ZYX: variants seen among roughly 807,000 people sequenced by gnomAD.
The protein encoded by ZYX is zyxin-2.
In ZYX, 37 loss-of-function variants were observed where a neutral mutation model predicts 58.1. That is an observed-to-expected ratio of 0.64 (90% CI 0.49 to 0.84). ZYX has a LOEUF of 0.84. Ranked by LOEUF, ZYX falls within the 40% of genes least tolerant of loss-of-function variation. The probability of loss-of-function intolerance (pLI) is 0.00; values close to 1 mark genes in which losing one functional copy is unlikely to be tolerated. For missense variants in ZYX, 762 were observed against 761.6 expected (o/e 1.00, Z -0.01); for synonymous variants, 324 against 321.1 (o/e 1.01, Z -0.10).
rs59995035 is a variant in ZYX at position 143,385,660 on chromosome 7, C to CTTTTTTTTTTTTT, written c.1023+2352_1023+2364dup. 4.3e-3 allele frequency among the ~76,000 whole-genome samples: 296 copies of CTTTTTTTTTTTTT among 68,970 alleles called. 45 individuals are homozygous for CTTTTTTTTTTTTT. Among genetic ancestry groups the CTTTTTTTTTTTTT allele is most frequent in the Admixed American group, 0.014 (58 of 4,202 alleles). The allele number at this position is 68,970 out of a possible 152,430, so 45.2% of individuals were successfully genotyped here. A position where few individuals can be genotyped will look rare whatever the true frequency, so the allele number is the denominator to read the frequency against. On this transcript the variant is annotated intron_variant, in intron 5 of 9. Coordinates refer to ENST00000322764, the MANE Select transcript of ZYX (RefSeq NM_003461.5). ...TGTGTGAGCGTGTGGTGTGGTATAT[C>CTTTTTTTTTTTTT]TTTTTTTTTTTTTTTTTTTTTTTTT...
chr7:143,385,475 T>C (rs569300181), intron 5 of ZYX, among the ~76,000 whole-genome samples: 31 of 151,680 alleles, frequency 2.0e-4, no homozygotes, highest in African/African-American at 7.0e-4. Context: ...TGTGTGAAAG[T>C]ATGTGTATAT....
intron 2 of ZYX, 110 bp from the exon 3 acceptor site, chr7:143,382,138 C>G (rs1020272195): frequency 1.0e-6 from 1 of 953,912 alleles, no homozygotes; most frequent in African/African-American, 1.7e-5. Flanking sequence ...CCCACACGCT[C>G]TGGGACCCCT....
At position 143,387,786 on chromosome 7, in the gene ZYX, G is replaced by A. The variant is rs540778870; in HGVS notation, c.1024-433G>A. 6 of 473,160 alleles carry A rather than the reference G, an allele frequency of 1.3e-5. No individual in the cohort carries two copies. Among genetic ancestry groups the A allele is most frequent in the East Asian group, 6.9e-5 (1 of 14,476 alleles). 29.3% of individuals were successfully genotyped at this position (473,160 alleles called of 1,614,324 possible). ...GGGGCTGCTCAGCAGCAGGCAGGCC[G>A]GGTAGGTGTGTGTGCGCGTGTGTGC... On this transcript the variant is annotated intron_variant, in intron 5 of 9. Coordinates refer to ENST00000322764, the MANE Select transcript of ZYX (RefSeq NM_003461.5). This position sits in a 1 kb window ranked among gnomAD's most constrained non-coding sequence, Gnocchi z 5.8.
At position 143,390,458 on chromosome 7, in the gene ZYX, C is replaced by T; in HGVS notation, c.1615-120C>T. 1.3e-6 allele frequency: 1 copy of T among 758,964 alleles called. No individual in the cohort carries two copies. The allele number at this position is 758,964 out of a possible 1,614,324, so 47.0% of individuals were successfully genotyped here. A position where few individuals can be genotyped will look rare whatever the true frequency, so the allele number is the denominator to read the frequency against. On this transcript the variant is annotated intron_variant, in intron 9 of 9. Coordinates refer to ENST00000322764, the MANE Select transcript of ZYX (RefSeq NM_003461.5). This position sits in a 1 kb window ranked among gnomAD's most constrained non-coding sequence, Gnocchi z 4.3. ...TGGGTGTGGCTGGAAAAAGCGATGA[C>T]ACCAGCTCTGAGCCATGAAGCATCT...
In ZYX at chr7:143,390,107, G is replaced by C; in HGVS notation, c.1614+130G>C. ...GCTGTGATTTTGAGGGTGGCTCATG[G>C]TGGCACCCCATCTGTCCTGCCAGAA... is the stretch of plus-strand genomic sequence containing the variant. On this transcript the variant is annotated intron_variant, in intron 9 of 9. Transcript: ENST00000322764. The surrounding 1 kb of genome is among the most constrained non-coding windows in gnomAD (Gnocchi z 4.3). 1 of 1,351,926 alleles carries C rather than the reference G, an allele frequency of 7.4e-7. No individual in the cohort carries two copies. The highest frequency in any genetic ancestry group is 1.4e-5 in the African/African-American group (1 of 69,688). The allele number at this position is 1,351,926 out of a possible 1,614,324, so 83.7% of individuals were successfully genotyped here.
At position 143,390,608 on chromosome 7, in the gene ZYX, G is replaced by A. The variant is rs750132086; in HGVS notation, c.1645G>A (p.Asp549Asn). 12 of 1,581,928 alleles carry A rather than the reference G, an allele frequency of 7.6e-6. No individual in the cohort carries two copies. The highest frequency in any genetic ancestry group is 9.5e-6 in the Non-Finnish European group (11 of 1,163,440). ...DCGKPLSIEA[D>N]DNGCFPLDGH... ...CGGGAAGCCCCTGTCGATTGAGGCA[G>A]ATGACAATGGCTGCTTCCCCCTGGA... The change falls in exon 10 of 10, where the codon GAT becomes AAT. Residue 549 changes from aspartate to asparagine, a missense_variant. Physicochemically the swap from Asp to Asn is conservative, Grantham distance 23 (BLOSUM62 1). Coordinates refer to ENST00000322764, the MANE Select transcript of ZYX (RefSeq NM_003461.5). This position sits in a 1 kb window ranked among gnomAD's most constrained non-coding sequence, Gnocchi z 4.3.
At chr7:143,385,444 G>A (rs1317240696) in intron 5 of ZYX, among the ~76,000 whole-genome samples, 1 of 151,704 alleles carries the variant, frequency 6.6e-6, no homozygotes, top group South Asian at 2.1e-4. Flanking sequence ...TATGAGTGGC[G>A]TGTGATGTGT....
intron 5 of ZYX, among the ~76,000 whole-genome samples, chr7:143,385,799 A>C (rs1378065067): frequency 6.7e-6 from 1 of 148,348 alleles, no homozygotes; most frequent in African/African-American, 2.5e-5. Context: ...ACGTTCCACC[A>C]CACCTGGCTA....
rs1804725534 is a variant in ZYX at position 143,383,328 on chromosome 7, G to C, written c.1023+6G>C. The C allele has an allele frequency of 6.3e-7, 1 of 1,593,206 alleles. No homozygotes were observed. The highest frequency in any genetic ancestry group is 8.5e-7 in the Non-Finnish European group (1 of 1,171,116). On this transcript the variant is annotated splice_donor_region_variant and intron_variant, in intron 5 of 9. Coordinates refer to ENST00000322764, the MANE Select transcript of ZYX (RefSeq NM_003461.5). ...CGGCTCAGAACCAAAACCAGGTGAG[G>C]GATGGTGATAGGACAAGGCTTGGTA... is the stretch of plus-strand genomic sequence containing the variant.
rs375422180 is a variant in ZYX, at chr7:143,382,944, G to T, written c.645G>T (p.Pro215=). The part of the protein sequence containing the change: ...SSQPLPQVPA[P]AQSQTQFHVQ... ...AGCCTCTGCCCCAGGTTCCGGCTCC[G>T]GCTCAGAGCCAGACACAGTTCCATG... Residue 215 remains proline, a synonymous_variant, in exon 5 of 10, where the codon CCG becomes CCT. Transcript: ENST00000322764. 2.2e-5 allele frequency: 35 copies of T among 1,613,908 alleles called. No homozygotes were observed. Among genetic ancestry groups the T allele is most frequent in the Middle Eastern group, 1.7e-4 (1 of 6,060 alleles).
Position 143,383,243 on chromosome 7 carries a change from C to T in ZYX, c.944C>T (p.Thr315Ile). The change falls in exon 5 of 10, where the codon ACC becomes ATC. Residue 315 changes from threonine (T) to isoleucine (I), a missense_variant. Transcript: ENST00000322764. Reference protein sequence around the residue: ...GTGSPQPPSFTYAQQREKPRV... With the variant: ...GTGSPQPPSFIYAQQREKPRV... ...GGCTCCCCTCAACCTCCCAGCTTCA[C>T]CTATGCCCAGCAGAGGGAGAAGCCC... 1 of 1,614,076 alleles carries T rather than the reference C, an allele frequency of 6.2e-7. No homozygotes were observed. Among genetic ancestry groups the T allele is most frequent in the Non-Finnish European group, 8.5e-7 (1 of 1,180,016 alleles).
At position 143,387,907 on chromosome 7, in the gene ZYX, G is replaced by T. The variant is rs944628886; in HGVS notation, c.1024-312G>T. 47 of 511,956 alleles carry T rather than the reference G, an allele frequency of 9.2e-5. 1 individual carries two copies. The highest frequency in any genetic ancestry group is 1.0e-3 in the Middle Eastern group (2 of 1,956). 31.7% of individuals were successfully genotyped at this position (511,956 alleles called of 1,614,324 possible). A position where few individuals can be genotyped will look rare whatever the true frequency, so the allele number is the denominator to read the frequency against. On this transcript the variant is annotated intron_variant, in intron 5 of 9. Transcript: ENST00000322764. This position sits in a 1 kb window ranked among gnomAD's most constrained non-coding sequence, Gnocchi z 5.8. Reference sequence around the variant, plus strand: ...GGAGTGTCCGGTGCTTCAGTGACCCGAGCTGCTGTGTGCGTGGCCTCCGTC... The same window carrying T: ...GGAGTGTCCGGTGCTTCAGTGACCCTAGCTGCTGTGTGCGTGGCCTCCGTC...
Position 143,389,079 on chromosome 7 carries a change from C to A in ZYX, c.1493+134C>A. The A allele has an allele frequency of 1.9e-6, 2 of 1,059,172 alleles. No homozygotes were observed. The highest frequency in any genetic ancestry group is 2.7e-6 in the Non-Finnish European group (2 of 744,324). 65.6% of individuals were successfully genotyped at this position (1,059,172 alleles called of 1,614,324 possible). ...GGTCCCATGTCCTGTCTGTAAACAG[C>A]AGGGACCAAGTCATCGGGATGTAGC... On this transcript the variant is annotated intron_variant, in intron 8 of 9. Transcript: ENST00000322764. The surrounding 1 kb of genome is among the most constrained non-coding windows in gnomAD (Gnocchi z 5.6).
Position 143,390,841 on chromosome 7 carries a change from G to A in ZYX, c.*159G>A, listed in dbSNP as rs188278148. Reference sequence around the variant, plus strand: ...GGTGCCCTGACCCAGGACCCAACATGGTCTAGGGATGCAGGATCCCCGCCC... The same window carrying A: ...GGTGCCCTGACCCAGGACCCAACATAGTCTAGGGATGCAGGATCCCCGCCC... On this transcript the variant is annotated 3_prime_UTR_variant, in exon 10 of 10. Coordinates refer to ENST00000322764, the MANE Select transcript of ZYX (RefSeq NM_003461.5). The surrounding 1 kb of genome is among the most constrained non-coding windows in gnomAD (Gnocchi z 4.3). 1.5e-3 allele frequency: 947 copies of A among 619,924 alleles called. 11 individuals carry two copies. The highest frequency in any genetic ancestry group is 7.0e-3 in the South Asian group (373 of 53,636). The allele number at this position is 619,924 out of a possible 1,614,324, so 38.4% of individuals were successfully genotyped here.
chr7:143,386,855 G>A (rs981088493), intron 5 of ZYX, among the ~76,000 whole-genome samples: 4 of 152,180 alleles, frequency 2.6e-5, no homozygotes, highest in Non-Finnish European at 4.4e-5. Flanking sequence ...TGAGATGGAC[G>A]GAAGTTTGGT....
rs143893236 is a variant in ZYX, at chr7:143,382,268, C to T, written c.229C>T (p.Pro77Ser). The change falls in exon 3 of 10, where the codon CCC becomes TCC. Residue 77 changes from proline (P) to serine (S), a missense_variant. Transcript: ENST00000322764. ...PPEDFPLPPP[P>S]LAGDGDDAEG... ...CCCAGACTTTCCCCTGCCTCCACCT[C>T]CCCTTGCTGGGGATGGCGACGATGC... 7.4e-4 allele frequency: 1,190 copies of T among 1,612,948 alleles called. 8 individuals are homozygous for T. The African/African-American group carries it at 0.014, about 19-fold the overall frequency.
chr7:143,388,432 C>A lies in ZYX; in HGVS notation c.1145-57C>A. Reference sequence around the variant, plus strand: ...CCACTCCCTATCTGAGCTGGCTGATCCCTCGCAGCTCTACATACTTCCTTC... The same window carrying A: ...CCACTCCCTATCTGAGCTGGCTGATACCTCGCAGCTCTACATACTTCCTTC... On this transcript the variant is annotated intron_variant, in intron 6 of 9. Coordinates refer to ENST00000322764, the MANE Select transcript of ZYX (RefSeq NM_003461.5). This position sits in a 1 kb window ranked among gnomAD's most constrained non-coding sequence, Gnocchi z 7.5. 6.2e-7 allele frequency: 1 copy of A among 1,603,666 alleles called. No individual in the cohort carries two copies. Among genetic ancestry groups the A allele is most frequent in the Non-Finnish European group, 8.5e-7 (1 of 1,172,470 alleles).
At chr7:143,385,614 T>C (rs1369008560) in intron 5 of ZYX, among the ~76,000 whole-genome samples, 1 of 150,710 alleles carries the variant, frequency 6.6e-6, no homozygotes, top group East Asian at 2.0e-4. Flanking sequence ...AAGTGGCGTA[T>C]GTGTATATAT....
At chr7:143,381,470 G>A (rs1251444761) in intron 1 of ZYX, 61 bp downstream of exon 1, 3 of 1,346,012 alleles carry the variant, frequency 2.2e-6, no homozygotes, top group Non-Finnish European at 2.9e-6. Flanking sequence ...GCCGGGAGGG[G>A]GCGAGTGGGG....
Sources: gnomAD v4.1 joint callset for allele counts (sites outside exome capture counted in the v4.1 genomes callset) on GRCh38, gnomAD v4.1.1 for gene constraint, Gnocchi (gnomAD v3.1) non-coding constraint, MANE v1.5 for transcripts, NCBI Gene and HGNC (gene_info 2026-07-23, HGNC 2026-07-21) for gene names.